Variants in TBC1D15 observed in about 807,000 individuals in gnomAD.
TBC1D15 encodes the protein TBC1 domain family member 15, also known as GAP for RAB7.
TBC1D15 carries 39 observed loss-of-function variants against 95.4 expected under a neutral mutation model. The ratio of observed to expected loss-of-function variants is 0.41; its 90% CI spans 0.32 to 0.53. The LOEUF is 0.53. Ranked by LOEUF, TBC1D15 falls within the 20% of genes least tolerant of loss-of-function variation. The probability of loss-of-function intolerance (pLI) is 0.29; values close to 1 mark genes in which losing one functional copy is unlikely to be tolerated. For synonymous variants in TBC1D15, 258 were observed against 261.3 expected, an observed-to-expected ratio of 0.99 and a Z score of 0.12; for missense variants, 733 against 794.3, an observed-to-expected ratio of 0.92 and a Z score of 0.93.
chr12:71,883,480 A>G (rs1211570679), intron 4 of TBC1D15, among the ~76,000 whole-genome samples: 2 of 152,204 alleles, frequency 1.3e-5, no homozygotes, highest in African/African-American at 2.4e-5. Context: ...TTAAGTGTCC[A>G]TGAAATAATG....
At chr12:71,862,377 A>T (rs1291415818) in intron 1 of TBC1D15, among the ~76,000 whole-genome samples, 1 of 152,046 alleles carries the variant, frequency 6.6e-6, no homozygotes, top group Admixed American at 6.6e-5. Flanking sequence ...GTGCATATAT[A>T]TTTACAGTTG....
intron 1 of TBC1D15, among the ~76,000 whole-genome samples, chr12:71,855,616 C>A: frequency 7.6e-6 from 1 of 132,262 alleles, no homozygotes; most frequent in African/African-American, 2.8e-5. Flanking sequence ...TGCAGTGAGC[C>A]AAGATCGCAC....
At chr12:71,846,748 T>TATA (rs1886367044) in intron 1 of TBC1D15, among the ~76,000 whole-genome samples, 1 of 151,014 alleles carries the variant, frequency 6.6e-6, no homozygotes, top group Non-Finnish European at 1.5e-5. Context: ...AATTATTTTT[T>TATA]ATACAGCTTT....
At position 71,880,601 on chromosome 12, in the gene TBC1D15, A is replaced by C; in HGVS notation, c.337A>C (p.Asn113His). 6.2e-7 allele frequency: 1 copy of C among 1,603,854 alleles called. No homozygotes were observed. The highest frequency in any genetic ancestry group is 2.2e-5 in the East Asian group (1 of 44,770). ...TVSFKRKPHT[N>H]GDAPSHRNGK... ...TTCATTTAAAAGGAAACCACATACC[A>C]ATGGAGGTATGAATTAAATCTTTTG... Residue 113 changes from asparagine (N) to histidine (H), a missense_variant, in exon 4 of 17, where the codon AAT becomes CAT. Asn to His is a moderately conservative substitution (Grantham distance 68). Coordinates refer to ENST00000485960, the MANE Select transcript of TBC1D15 (RefSeq NM_001146213.3).
At chr12:71,859,742 G>A (rs1889970249) in intron 1 of TBC1D15, among the ~76,000 whole-genome samples, 1 of 151,976 alleles carries the variant, frequency 6.6e-6, no homozygotes. Flanking sequence ...CGAGTAGTTG[G>A]GATTACAGGC....
chr12:71,914,338 G>A (rs1487918875), intron 12 of TBC1D15, among the ~76,000 whole-genome samples: 1 of 151,912 alleles, frequency 6.6e-6, no homozygotes, highest in Admixed American at 6.6e-5. Context: ...TGTCATTATA[G>A]TAACTGATTT....
At chr12:71,881,574 A>G (rs1895144572) in intron 4 of TBC1D15, among the ~76,000 whole-genome samples, 1 of 152,176 alleles carries the variant, frequency 6.6e-6, no homozygotes, top group South Asian at 2.1e-4. Context: ...GCAAAAAACG[A>G]CAGATGTAAT....
intron 12 of TBC1D15, among the ~76,000 whole-genome samples, chr12:71,915,427 A>C (rs954349956): frequency 5.7e-4 from 84 of 148,184 alleles, no homozygotes; most frequent in African/African-American, 1.9e-3. Flanking sequence ...TGATTAGTTT[A>C]AATTGCTATA....
chr12:71,841,177 A>G (rs1430675118), intron 1 of TBC1D15: 1 of 152,164 alleles, frequency 6.6e-6, no homozygotes, highest in Non-Finnish European at 1.5e-5. Flanking sequence ...AAACTGATCC[A>G]GGCTGGGACT....
chr12:71,847,383 G>GT (rs138208282), intron 1 of TBC1D15, among the ~76,000 whole-genome samples: 15,366 of 149,402 alleles, frequency 0.1, 940 homozygotes, highest in African/African-American at 0.17. Context: ...TGTATCATTA[G>GT]TTTTTTTTTT....
intron 1 of TBC1D15, chr12:71,854,697 T>TA (rs1185625998): frequency 1.1e-5 from 5 of 455,706 alleles, no homozygotes; most frequent in Non-Finnish European, 2.2e-5. Context: ...TAATTTGTAT[T>TA]AAAGTGTCTT....
intron 5 of TBC1D15, among the ~76,000 whole-genome samples, chr12:71,891,174 A>G (rs1030955873): frequency 3.3e-5 from 5 of 152,206 alleles, no homozygotes; most frequent in African/African-American, 1.2e-4. Context: ...TAGAAATATA[A>G]AATAGTTACT....
In TBC1D15 at chr12:71,900,571, C is replaced by A. The variant is rs967614560; in HGVS notation, c.1183+2630C>A. ...TATTTCAAGCATTCATACACTCATT[C>A]ATTCTTTCAATAAGTTATTACTTAG... On this transcript the variant is annotated intron_variant, in intron 10 of 16. Transcript: ENST00000485960. Among the ~76,000 whole-genome samples, 3 of 152,098 alleles carry A rather than the reference C, an allele frequency of 2.0e-5. No individual in the cohort carries two copies. The East Asian group carries it at 5.8e-4, about 29-fold the overall frequency.
At chr12:71,874,877 C>T (rs938632309) in intron 3 of TBC1D15, among the ~76,000 whole-genome samples, 1 of 151,952 alleles carries the variant, frequency 6.6e-6, no homozygotes, top group African/African-American at 2.4e-5. Flanking sequence ...CCCGCCTCTG[C>T]CTCCCAAAGT....
At chr12:71,880,749 G>A in intron 4 of TBC1D15, 142 bp downstream of exon 4, 1 of 918,492 alleles carries the variant, frequency 1.1e-6, no homozygotes, top group Non-Finnish European at 1.5e-6. Flanking sequence ...TCATATTTTA[G>A]TTATATTCCC....
At chr12:71,896,651 G>T (rs1566034404) in intron 8 of TBC1D15, 26 bp from the exon 9 acceptor site, 1 of 1,563,644 alleles carries the variant, frequency 6.4e-7, no homozygotes. Flanking sequence ...TTTCATTCAT[G>T]TATTTAATAT....
intron 10 of TBC1D15, among the ~76,000 whole-genome samples, chr12:71,903,166 G>T (rs766184099): frequency 6.6e-5 from 10 of 152,046 alleles, no homozygotes; most frequent in African/African-American, 2.4e-4. Context: ...CACCTGCCTT[G>T]GCCTCCCAAA....
chr12:71,878,704 CG>C (rs199718316), intron 3 of TBC1D15, among the ~76,000 whole-genome samples: 4,154 of 151,414 alleles, frequency 0.027, 194 homozygotes, highest in African/African-American at 0.094. Flanking sequence ...TTAGTAGAGA[CG>C]GGGGTTTTGC....
intron 12 of TBC1D15, among the ~76,000 whole-genome samples, chr12:71,914,881 C>G (rs1459455646): frequency 6.6e-6 from 1 of 151,662 alleles, no homozygotes; most frequent in Non-Finnish European, 1.5e-5. Flanking sequence ...GCCTATTTTT[C>G]TTTCTCCTTC....
Sources: gnomAD v4.1 joint callset for allele counts (sites outside exome capture counted in the v4.1 genomes callset) on GRCh38, gnomAD v4.1.1 for gene constraint, MANE v1.5 for transcripts, NCBI Gene and HGNC (gene_info 2026-07-23, HGNC 2026-07-21) for gene names.